Variants in GRM1 observed in about 807,000 individuals in gnomAD.
The protein encoded by GRM1 is glutamate metabotropic receptor 1.
GRM1 carries 33 observed loss-of-function variants against 90.9 expected under a neutral mutation model. That is an observed-to-expected ratio of 0.36 (90% confidence interval 0.28 to 0.49). The LOEUF is 0.49. Ranked by LOEUF, GRM1 falls within the 20% of genes least tolerant of loss-of-function variation. The probability of loss-of-function intolerance (pLI) is 0.99; values close to 1 mark genes in which losing one functional copy is unlikely to be tolerated. For missense variants in GRM1, 1,190 were observed against 1,534.3 expected, an observed-to-expected ratio of 0.78 and a Z score of 3.75; for synonymous variants, 700 against 613.2, an observed-to-expected ratio of 1.14 and a Z score of -2.09.
intron 2 of GRM1, among the ~76,000 whole-genome samples, chr6:146,215,247 G>A (rs922378805): frequency 1.1e-4 from 17 of 152,138 alleles, no homozygotes; most frequent in African/African-American, 3.9e-4. Flanking sequence ...AGAGTGTAAA[G>A]GGATCTCAAA....
At chr6:146,090,938 C>A (rs139566448) in intron 1 of GRM1, among the ~76,000 whole-genome samples, 2,024 of 151,982 alleles carry the variant, frequency 0.013, 39 homozygotes, top group African/African-American at 0.041. Context: ...GGAAAAAAAA[C>A]CAAAAAGAGC....
intron 2 of GRM1, among the ~76,000 whole-genome samples, chr6:146,224,272 G>A (rs940528948): frequency 3.9e-5 from 6 of 152,122 alleles, no homozygotes. Flanking sequence ...GGTGGGAAGT[G>A]TTGGCTGAAA....
chr6:146,195,593 A>T (rs1779088262), intron 2 of GRM1, among the ~76,000 whole-genome samples: 3 of 152,196 alleles, frequency 2.0e-5, no homozygotes, highest in African/African-American at 4.8e-5. Context: ...ATACCAGGGG[A>T]AGTAGGAAAG....
At chr6:146,251,623 A>C (rs565224994) in intron 2 of GRM1, among the ~76,000 whole-genome samples, 1 of 152,352 alleles carries the variant, frequency 6.6e-6, no homozygotes, top group African/African-American at 2.4e-5. Context: ...GCATTTAAGT[A>C]AAGACACCTT....
chr6:146,231,116 A>G (rs1488610168), intron 2 of GRM1, among the ~76,000 whole-genome samples: 2 of 152,166 alleles, frequency 1.3e-5, no homozygotes, highest in Admixed American at 1.3e-4. Flanking sequence ...TGCCCATACA[A>G]TGTGCAACAC....
intron 2 of GRM1, among the ~76,000 whole-genome samples, chr6:146,180,325 A>G (rs751091617): frequency 4.6e-5 from 7 of 152,146 alleles, no homozygotes; most frequent in Admixed American, 3.3e-4. Flanking sequence ...ATATTTTCCA[A>G]TTAAAGATAG....
At chr6:146,150,096 C>A (rs117281065) in intron 1 of GRM1, among the ~76,000 whole-genome samples, 1,850 of 152,160 alleles carry the variant, frequency 0.012, 78 homozygotes, top group East Asian at 0.092. Context: ...CAGAACCAAA[C>A]AAATTAAAAG....
chr6:146,116,898 G>A (rs1775770824), intron 1 of GRM1, among the ~76,000 whole-genome samples: 1 of 151,718 alleles, frequency 6.6e-6, no homozygotes, highest in African/African-American at 2.4e-5. Flanking sequence ...TAATTTTTAA[G>A]CACTTGACTA....
At chr6:146,396,151 C>T (rs1997848) in intron 6 of GRM1, among the ~76,000 whole-genome samples, 102,757 of 151,720 alleles carry the variant, frequency 0.68, 36,493 homozygotes, top group African/African-American at 0.92. Context: ...GTCTTGCCTG[C>T]ATTGGGAAAA....
chr6:146,333,270 A>G (rs1784648234), intron 3 of GRM1, among the ~76,000 whole-genome samples: 1 of 152,164 alleles, frequency 6.6e-6, no homozygotes, highest in Non-Finnish European at 1.5e-5. Context: ...ACCCTTCCTC[A>G]TATGGGTGCA....
At chr6:146,250,030 A>G (rs1781215486) in intron 2 of GRM1, among the ~76,000 whole-genome samples, 1 of 152,158 alleles carries the variant, frequency 6.6e-6, no homozygotes, top group Non-Finnish European at 1.5e-5. Flanking sequence ...GTTTTGGCCA[A>G]TTTCTCTCAT....
At chr6:146,264,841 T>A (rs992878557) in intron 2 of GRM1, among the ~76,000 whole-genome samples, 4 of 152,190 alleles carry the variant, frequency 2.6e-5, no homozygotes, top group Non-Finnish European at 5.9e-5. Context: ...TCCAGCTCCA[T>A]CCATGTTGCA....
At chr6:146,282,739 GA>G (rs1294600393) in intron 2 of GRM1, among the ~76,000 whole-genome samples, 2 of 151,832 alleles carry the variant, frequency 1.3e-5, no homozygotes, top group African/African-American at 2.4e-5. Context: ...ACTAGAACTA[GA>G]AAAAATGTAA....
At chr6:146,377,753 T>A (rs886365579) in intron 5 of GRM1, among the ~76,000 whole-genome samples, 2 of 151,924 alleles carry the variant, frequency 1.3e-5, no homozygotes, top group Non-Finnish European at 2.9e-5. Context: ...CCATCACAGG[T>A]CCAGAGGCCT....
chr6:146,314,051 CTTTTTTTTTTTTTTTT>C (rs552986343), intron 3 of GRM1, among the ~76,000 whole-genome samples: 21 of 61,992 alleles, frequency 3.4e-4, no homozygotes, highest in South Asian at 1.9e-3. Context: ...TAGTTAATTC[CTTTTTTTTTTTTTTTT>C]TTTTTTTTTT....
chr6:146,272,838 A>G (rs1782220702), intron 2 of GRM1, among the ~76,000 whole-genome samples: 1 of 152,198 alleles, frequency 6.6e-6, no homozygotes, highest in Non-Finnish European at 1.5e-5. Flanking sequence ...AAGGATTGCA[A>G]CCATGAATGG....
intron 3 of GRM1, among the ~76,000 whole-genome samples, chr6:146,307,279 T>A (rs1783611666): frequency 6.6e-6 from 1 of 152,234 alleles, no homozygotes; most frequent in African/African-American, 2.4e-5. Context: ...TGAAACATGT[T>A]TATATTTGCA....
At chr6:146,371,430 G>A (rs1030465989) in intron 5 of GRM1, among the ~76,000 whole-genome samples, 4 of 151,980 alleles carry the variant, frequency 2.6e-5, no homozygotes, top group African/African-American at 4.8e-5. Flanking sequence ...TGGAGAATGC[G>A]GTATTCCTTC....
intron 1 of GRM1, among the ~76,000 whole-genome samples, chr6:146,032,483 G>A (rs779393013): frequency 2.0e-5 from 3 of 152,106 alleles, no homozygotes; most frequent in Non-Finnish European, 4.4e-5. Flanking sequence ...CTGAGGTTTT[G>A]CCCTCCTGCT....
Sources: gnomAD v4.1 joint callset for allele counts (sites outside exome capture counted in the v4.1 genomes callset) on GRCh38, gnomAD v4.1.1 for gene constraint, MANE v1.5 for transcripts, NCBI Gene and HGNC (gene_info 2026-07-23, HGNC 2026-07-21) for gene names.